The following PIGK variants were observed in gnomAD, a reference collection of about 807,000 sequenced individuals.
PIGK encodes phosphatidylinositol glycan anchor biosynthesis class K, also known as GPI-anchor transamidase.
A neutral mutation model predicts 50.6 loss-of-function variants in PIGK; 42 were observed. The ratio of observed to expected loss-of-function variants is 0.83; its 90% CI spans 0.65 to 1.07. The LOEUF (loss-of-function observed/expected upper bound fraction) is 1.07, where lower values mean the gene tolerates loss of function less well. Ranked by LOEUF, PIGK falls within the 50% of genes least tolerant of loss-of-function variation. The probability of loss-of-function intolerance (pLI) is 0.00; values close to 1 mark genes in which losing one functional copy is unlikely to be tolerated. For synonymous variants in PIGK, 151 were observed against 156.0 expected, an observed-to-expected ratio of 0.97 and a Z score of 0.24; for missense variants, 448 against 488.7, an observed-to-expected ratio of 0.92 and a Z score of 0.78.
intron 9 of PIGK, among the ~76,000 whole-genome samples, chr1:77,140,342 C>G (rs1654622135): frequency 6.6e-6 from 1 of 151,990 alleles, no homozygotes; most frequent in African/African-American, 2.4e-5. Flanking sequence ...CCCCAACCCC[C>G]CTGCCCCGCT....
intron 10 of PIGK, among the ~76,000 whole-genome samples, chr1:77,096,899 T>TTTTTTTG (rs1653421633): frequency 7.1e-6 from 1 of 141,210 alleles, no homozygotes; most frequent in African/African-American, 2.8e-5. Flanking sequence ...TTTTTTTTTG[T>TTTTTTTG]TTTTTTGTTT....
intron 3 of PIGK, among the ~76,000 whole-genome samples, chr1:77,180,181 T>G (rs1432465710): frequency 1.3e-5 from 2 of 152,210 alleles, no homozygotes; most frequent in African/African-American, 4.8e-5. Flanking sequence ...TATTCTACCA[T>G]GCATGATGAT....
intron 3 of PIGK, among the ~76,000 whole-genome samples, chr1:77,178,188 C>T (rs187641252): frequency 1.1e-4 from 16 of 152,224 alleles, no homozygotes; most frequent in East Asian, 3.9e-4. Context: ...CCAATGTACA[C>T]GATAAACTTT....
chr1:77,141,856 C>T (rs1418403114), intron 9 of PIGK, among the ~76,000 whole-genome samples: 2 of 151,868 alleles, frequency 1.3e-5, no homozygotes, highest in Non-Finnish European at 2.9e-5. Context: ...TTTGATTAAG[C>T]CCTGAGAAAT....
rs190061456 is a variant in PIGK at position 77,197,270 on chromosome 1, G to C, written c.239+9370C>G. Among the ~76,000 whole-genome samples the C allele has an allele frequency of 1.0e-3, 158 of 152,192 alleles. 1 individual carries two copies. Among genetic ancestry groups the C allele is most frequent in the African/African-American group, 3.6e-3 (149 of 41,536 alleles). On this transcript the variant is annotated intron_variant, in intron 3 of 10. Transcript: ENST00000370812. ...TTACAGATGAAAAAACTAAGGCCAAGAGAGATTAATTTTTCCAAGATCAAA... is the reference window on the plus strand; with the variant it reads ...TTACAGATGAAAAAACTAAGGCCAACAGAGATTAATTTTTCCAAGATCAAA...
intron 9 of PIGK, chr1:77,154,077 A>G (rs839833): frequency 0.028 from 7,800 of 281,454 alleles, 402 homozygotes; most frequent in African/African-American, 0.13. Context: ...TTCACTCCCC[A>G]AGGCAGTACC....
intron 8 of PIGK, among the ~76,000 whole-genome samples, chr1:77,158,980 A>G (rs936321204): frequency 6.6e-6 from 1 of 152,170 alleles, no homozygotes; most frequent in Non-Finnish European, 1.5e-5. Flanking sequence ...TTAATTGCCA[A>G]GACAATGGGG....
chr1:77,173,498 A>C (rs1211361089), intron 3 of PIGK, among the ~76,000 whole-genome samples: 1 of 152,128 alleles, frequency 6.6e-6, no homozygotes, highest in Non-Finnish European at 1.5e-5. Context: ...CACTGAGGCT[A>C]CTCAGGGAAG....
intron 3 of PIGK, among the ~76,000 whole-genome samples, chr1:77,172,632 T>G (rs949686314): frequency 5.3e-5 from 8 of 152,030 alleles, no homozygotes; most frequent in African/African-American, 1.7e-4. Flanking sequence ...CTTTTAAAAA[T>G]TCGCAGGGGC....
At chr1:77,103,006 G>C (rs1653583086) in intron 10 of PIGK, among the ~76,000 whole-genome samples, 2 of 152,142 alleles carry the variant, frequency 1.3e-5, no homozygotes, top group African/African-American at 4.8e-5. Context: ...CCAAAGTAAA[G>C]TCCAGTTGTT....
At chr1:77,142,823 AT>A (rs1426304872) in intron 9 of PIGK, among the ~76,000 whole-genome samples, 1 of 152,144 alleles carries the variant, frequency 6.6e-6, no homozygotes, top group East Asian at 1.9e-4. Flanking sequence ...TCCAGATGAG[AT>A]TTGAGTGGGG....
rs539799797 is a variant in PIGK, at chr1:77,133,186, CTGTT to C, written c.987-10831_987-10828del. Among the ~76,000 whole-genome samples, 545 of 152,090 alleles carry C rather than the reference CTGTT, an allele frequency of 3.6e-3. 3 individuals are homozygous for C. Among genetic ancestry groups the C allele is most frequent in the African/African-American group, 0.013 (520 of 41,492 alleles). On this transcript the variant is annotated intron_variant, in intron 9 of 10. Transcript: ENST00000370812. The stretch of plus-strand genomic sequence containing the variant: ...TTTTCTGTGTCTAACATATCTCGTA[CTGTT>C]TGTTTTTTCTGTGCTTCAGTTTCAA...
At chr1:77,206,555 G>A in intron 3 of PIGK, 85 bp downstream of exon 3, 1 of 789,356 alleles carries the variant, frequency 1.3e-6, no homozygotes. Context: ...TTTTTCAAAA[G>A]TAACACAAAA....
At chr1:77,137,882 G>A (rs975266509) in intron 9 of PIGK, among the ~76,000 whole-genome samples, 1 of 152,218 alleles carries the variant, frequency 6.6e-6, no homozygotes, top group African/African-American at 2.4e-5. Context: ...GGGACTACAG[G>A]AGTGAGCCAC....
chr1:77,129,058 C>T, intron 9 of PIGK: 2 of 800,750 alleles, frequency 2.5e-6, no homozygotes, highest in Non-Finnish European at 4.5e-6. Context: ...CCTACAAATG[C>T]TTTAAATATT....
chr1:77,218,210 C>G (rs1322354900), intron 1 of PIGK, among the ~76,000 whole-genome samples: 4 of 152,128 alleles, frequency 2.6e-5, no homozygotes, highest in Admixed American at 2.6e-4. Context: ...AACGTTTAGA[C>G]TTTATTCTGT....
intron 8 of PIGK, among the ~76,000 whole-genome samples, chr1:77,155,061 C>CA (rs1654979259): frequency 6.6e-6 from 1 of 152,176 alleles, no homozygotes; most frequent in South Asian, 2.1e-4. Flanking sequence ...TAAAGTAGTA[C>CA]ATGGAGCCCC....
At chr1:77,103,888 C>T (rs1653608409) in intron 10 of PIGK, among the ~76,000 whole-genome samples, 1 of 151,992 alleles carries the variant, frequency 6.6e-6, no homozygotes, top group Non-Finnish European at 1.5e-5. Context: ...TATCAAAAGG[C>T]CAAACAATTC....
intron 3 of PIGK, among the ~76,000 whole-genome samples, chr1:77,201,534 T>TG (rs1156378148): frequency 6.6e-6 from 1 of 150,536 alleles, no homozygotes; most frequent in Non-Finnish European, 1.5e-5. Context: ...CCAAGGTGGG[T>TG]GGATCACTTG....
Sources: allele counts gnomAD v4.1 joint callset (sites outside exome capture counted in the v4.1 genomes callset), GRCh38; gene constraint gnomAD v4.1.1; transcripts MANE v1.5; gene names NCBI Gene and HGNC (gene_info 2026-07-23, HGNC 2026-07-21).